Variants in BOD1L1 observed in about 807,000 individuals in gnomAD.
BOD1L1 encodes biorientation of chromosomes in cell division 1 like 1, also known as biorientation of chromosomes in cell division protein 1-like 1.
In BOD1L1, 86 loss-of-function variants were observed where a neutral mutation model predicts 240.7. The observed-to-expected ratio is 0.36, with a 90% CI of 0.30 to 0.43. BOD1L1 has a LOEUF of 0.43. Among genes scored for constraint, BOD1L1 ranks in the 20% least tolerant of loss-of-function variants. The pLI, the probability that BOD1L1 is intolerant of heterozygous loss-of-function variation, is 1.00. For missense variants in BOD1L1, 3,554 were observed against 3,643.5 expected (o/e 0.98, Z 0.63); for synonymous variants, 1,268 against 1,272.3 (o/e 1.00, Z 0.07).
At chr4:13,626,774 T>A (rs929053096) in intron 1 of BOD1L1, among the ~76,000 whole-genome samples, 5 of 152,204 alleles carry the variant, frequency 3.3e-5, no homozygotes, top group African/African-American at 1.2e-4. Flanking sequence ...CCCACCTTCC[T>A]GTCCCTTCTT....
At position 13,588,732 on chromosome 4, in the gene BOD1L1, T is replaced by C. The variant is rs1254535918; in HGVS notation, c.8270A>G (p.Asp2757Gly). Reference protein sequence around the residue: ...EAISGHSVEADPKEVEEEERH... With the variant: ...EAISGHSVEAGPKEVEEEERH... ...TTTATTAAAATGCACCTCTTTAGGA[T>C]CTGCTTCAACACTGTGACCGCTTAT... Residue 2757 changes from aspartate (D) to glycine (G), a missense_variant, in exon 15 of 26, where the codon GAT (aspartate) becomes GGT (glycine). Physicochemically the swap from Asp to Gly is moderately conservative, Grantham distance 94. Around this residue, in one of 2 missense-constraint regions of BOD1L1, gnomAD observed 3,393 missense variants for 3,427.1 expected, o/e 0.99. Transcript: ENST00000040738. 1.2e-6 allele frequency: 2 copies of C among 1,602,260 alleles called. No homozygotes were observed. The highest frequency in any genetic ancestry group is 1.3e-5 in the African/African-American group (1 of 74,712).
In BOD1L1 at chr4:13,602,999, T is replaced by C. The variant is rs762545223; in HGVS notation, c.3901A>G (p.Ile1301Val). The C allele has an allele frequency of 1.2e-5, 19 of 1,613,874 alleles. No homozygotes were observed. The highest frequency in any genetic ancestry group is 2.2e-5 in the South Asian group (2 of 91,092). ...ACAGTTCTTTTGTCAAACAGAGGAATTACATCTGGATCATACGATTCCCTC... is the reference window on the plus strand; with the variant it reads ...ACAGTTCTTTTGTCAAACAGAGGAACTACATCTGGATCATACGATTCCCTC... ...PLRESYDPDV[I>V]PLFDKRTVLE... The change falls in exon 10 of 26, where the codon ATT (isoleucine) becomes GTT (valine). Residue 1301 changes from isoleucine (I) to valine (V), a missense_variant. By Grantham distance (29) the Ile-to-Val change is conservative. Around this residue, in one of 2 missense-constraint regions of BOD1L1, gnomAD observed 3,393 missense variants for 3,427.1 expected, o/e 0.99. Coordinates refer to ENST00000040738, the MANE Select transcript of BOD1L1 (RefSeq NM_148894.3).
chr4:13,618,407 T>C (rs964782586), intron 2 of BOD1L1, among the ~76,000 whole-genome samples: 1 of 152,226 alleles, frequency 6.6e-6, no homozygotes, highest in Non-Finnish European at 1.5e-5. Flanking sequence ...CCTTATCCCC[T>C]AGTCCTAAGC....
Position 13,610,266 on chromosome 4 carries a change from T to C in BOD1L1, c.1491+668A>G, listed in dbSNP as rs767807830. The stretch of plus-strand genomic sequence containing the variant: ...GTACATTTTATAATTGGAAATATTT[T>C]TGAATCCAAGAAATAGGTAAATAGC... On this transcript the variant is annotated intron_variant, in intron 6 of 25. Transcript: ENST00000040738. 3.9e-5 allele frequency among the ~76,000 whole-genome samples: 6 copies of C among 152,222 alleles called. 1 individual carries two copies. Among genetic ancestry groups the C allele is most frequent in the Non-Finnish European group, 8.8e-5 (6 of 68,048 alleles).
chr4:13,614,976 T>G (rs966559975), intron 3 of BOD1L1, among the ~76,000 whole-genome samples, 166 bp from the exon 4 acceptor site: 2 of 152,210 alleles, frequency 1.3e-5, no homozygotes, highest in Non-Finnish European at 2.9e-5. Flanking sequence ...TACCATATTC[T>G]GAATTATCTA....
intron 2 of BOD1L1, among the ~76,000 whole-genome samples, chr4:13,619,507 C>T (rs1461956648): frequency 6.6e-6 from 1 of 151,892 alleles, no homozygotes. Context: ...GACGGGGGCA[C>T]TGTATTAAAA....
At chr4:13,585,583 A>G (rs1028923436) in intron 17 of BOD1L1, among the ~76,000 whole-genome samples, 1 of 152,170 alleles carries the variant, frequency 6.6e-6, no homozygotes, top group Non-Finnish European at 1.5e-5. Flanking sequence ...ATAAAACCAT[A>G]GGAAAAAAGG....
In BOD1L1 at chr4:13,600,064, G is replaced by C. The variant is rs747967364; in HGVS notation, c.6836C>G (p.Pro2279Arg). 17 of 1,612,648 alleles carry C rather than the reference G, an allele frequency of 1.1e-5. No homozygotes were observed. The highest frequency in any genetic ancestry group is 1.3e-5 in the African/African-American group (1 of 74,830). The change falls in exon 10 of 26, where the codon CCC (proline) becomes CGC (arginine). Residue 2279 changes from proline (P) to arginine (R), a missense_variant. This residue lies in a region of BOD1L1 where 3,393 missense variants were observed against 3,427.1 expected (regional missense o/e 0.99). Transcript: ENST00000040738. Reference sequence around the variant, plus strand: ...CATCTCTTCCGCTGGTGTGACTGAGGGGTCGCCTTCCTCTTGAGGGACAGC... The same window carrying C: ...CATCTCTTCCGCTGGTGTGACTGAGCGGTCGCCTTCCTCTTGAGGGACAGC... ...SSAVPQEEGDPSVTPAEEMGD... is the reference protein window; with the variant it reads ...SSAVPQEEGDRSVTPAEEMGD...
chr4:13,623,232 T>C (rs1228815697), intron 1 of BOD1L1, among the ~76,000 whole-genome samples: 1 of 152,178 alleles, frequency 6.6e-6, no homozygotes, highest in Non-Finnish European at 1.5e-5. Context: ...GATGTTTGGT[T>C]CACTGCTGTA....
At chr4:13,589,263 T>A (rs770080872) in intron 14 of BOD1L1, among the ~76,000 whole-genome samples, 1 of 152,120 alleles carries the variant, frequency 6.6e-6, no homozygotes, top group Non-Finnish European at 1.5e-5. Flanking sequence ...TGCAGTAAAG[T>A]TGAAGAGGTG....
intron 4 of BOD1L1, 59 bp downstream of exon 4, chr4:13,614,137 C>A: frequency 2.2e-6 from 3 of 1,375,824 alleles, no homozygotes; most frequent in Non-Finnish European, 1.9e-6. Context: ...TTGATACTTC[C>A]CTGATCCCAA....
intron 25 of BOD1L1, chr4:13,572,826 G>A: frequency 7.8e-7 from 1 of 1,289,726 alleles, no homozygotes; most frequent in Non-Finnish European, 1.0e-6. Context: ...CGTGCAGATG[G>A]CTTGCTATGT....
intron 1 of BOD1L1, among the ~76,000 whole-genome samples, chr4:13,623,214 A>T (rs1717157926): frequency 6.6e-6 from 1 of 152,078 alleles, no homozygotes; most frequent in Non-Finnish European, 1.5e-5. Flanking sequence ...TAAGCTCCAT[A>T]ACAGTGGGAT....
At position 13,577,575 on chromosome 4, in the gene BOD1L1, C is replaced by G. The variant is rs1712864526; in HGVS notation, c.8799+7G>C. 1 of 1,577,080 alleles carries G rather than the reference C, an allele frequency of 6.3e-7. No individual in the cohort carries two copies. Among genetic ancestry groups the G allele is most frequent in the Non-Finnish European group, 8.6e-7 (1 of 1,157,228 alleles). ...CAACATATCTTGATAAGAAATTTAA[C>G]ACTTACATTGCTTATACTTCTTTCT... On this transcript the variant is annotated splice_region_variant and intron_variant, in intron 23 of 25. Coordinates refer to ENST00000040738, the MANE Select transcript of BOD1L1 (RefSeq NM_148894.3).
chr4:13,593,083 G>C (rs1316471517), intron 12 of BOD1L1: 1 of 152,146 alleles, frequency 6.6e-6, no homozygotes, highest in Non-Finnish European at 1.5e-5. Flanking sequence ...AGGCTCACTG[G>C]AAGTTTGACT....
chr4:13,615,119 C>T (rs1716487966), intron 3 of BOD1L1, among the ~76,000 whole-genome samples, 193 bp downstream of exon 3: 1 of 152,138 alleles, frequency 6.6e-6, no homozygotes, highest in South Asian at 2.1e-4. Flanking sequence ...CATCACATTA[C>T]TACAATGCTT....
At position 13,569,909 on chromosome 4, in the gene BOD1L1, G is replaced by T; in HGVS notation, c.*102C>A. 1.3e-6 allele frequency: 1 copy of T among 761,678 alleles called. No individual in the cohort carries two copies. The highest frequency in any genetic ancestry group is 1.9e-6 in the Non-Finnish European group (1 of 516,040). 47.2% of individuals were successfully genotyped at this position (761,678 alleles called of 1,614,324 possible). A position where few individuals can be genotyped will look rare whatever the true frequency, so the allele number is the denominator to read the frequency against. On this transcript the variant is annotated 3_prime_UTR_variant, in exon 26 of 26. Coordinates refer to ENST00000040738, the MANE Select transcript of BOD1L1 (RefSeq NM_148894.3). ...TTGCACCTAGGGACTTACAGCACAT[G>T]CATATCTTTTTCCTGGTTAAAGAGA... is the stretch of plus-strand genomic sequence containing the variant.
intron 12 of BOD1L1, among the ~76,000 whole-genome samples, chr4:13,595,446 A>G (rs565467591): frequency 6.6e-6 from 1 of 152,330 alleles, no homozygotes. Flanking sequence ...CTGTGCAGCC[A>G]CTGGGGAAAA....
Position 13,604,532 on chromosome 4 carries a change from T to C in BOD1L1, c.2368A>G (p.Lys790Glu), listed in dbSNP as rs764267104. The change falls in exon 10 of 26, where the codon AAA becomes GAA. Residue 790 changes from lysine to glutamate, a missense_variant. Around this residue, in one of 2 missense-constraint regions of BOD1L1, gnomAD observed 3,393 missense variants for 3,427.1 expected, o/e 0.99. Transcript: ENST00000040738. ...TTCCTTTCATTCCTATGTTTACTTT[T>C]TCGTTCGGTTTTATCATCTGAAGAA... ...KLSSDDKTER[K>E]SKHRNERKLS... 7 of 1,535,942 alleles carry C rather than the reference T, an allele frequency of 4.6e-6. No homozygotes were observed. The African/African-American group carries it at 7.0e-5, about 15-fold the overall frequency.
Sources: gnomAD v4.1 joint callset for allele counts (sites outside exome capture counted in the v4.1 genomes callset) on GRCh38, gnomAD v4.1.1 for gene constraint, gnomAD v4.1.1 regional missense constraint, MANE v1.5 for transcripts, NCBI Gene and HGNC (gene_info 2026-07-23, HGNC 2026-07-21) for gene names.